The following MYCBPAP variants were observed in gnomAD, a reference collection of about 807,000 sequenced individuals.
The protein encoded by MYCBPAP is MYCBP-associated protein.
A neutral mutation model predicts 106.1 loss-of-function variants in MYCBPAP; 60 were observed. That is an observed-to-expected ratio of 0.57 (90% CI 0.46 to 0.70). The LOEUF (loss-of-function observed/expected upper bound fraction) is 0.70, where lower values mean the gene tolerates loss of function less well. MYCBPAP is among the 30% of genes least tolerant of loss of function. The pLI is 0.00. For missense variants in MYCBPAP, 1,064 were observed against 1,169.3 expected, an observed-to-expected ratio of 0.91 and a Z score of 1.31; for synonymous variants, 407 against 440.6, an observed-to-expected ratio of 0.92 and a Z score of 0.95.
rs1367705337 is a variant in MYCBPAP at position 50,519,006 on chromosome 17, A to C, written c.685A>C (p.Met229Leu). The C allele has an allele frequency of 1.2e-6, 2 of 1,614,106 alleles. No homozygotes were observed. The highest frequency in any genetic ancestry group is 1.7e-6 in the Non-Finnish European group (2 of 1,180,024). ...HLKKPVSELLMHTGETYRRIQ... is the reference protein window; with the variant it reads ...HLKKPVSELLLHTGETYRRIQ... Reference sequence around the variant, plus strand: ...AAAGAAGCCAGTGAGTGAGCTGCTCATGCACACCGGGGAGACCTACAGACG... The same window carrying C: ...AAAGAAGCCAGTGAGTGAGCTGCTCCTGCACACCGGGGAGACCTACAGACG... Residue 229 changes from methionine to leucine, a missense_variant, in exon 6 of 19, where the codon ATG becomes CTG. Transcript: ENST00000323776.
chr17:50,515,101 G>A (rs1367152693), intron 1 of MYCBPAP, among the ~76,000 whole-genome samples: 2 of 152,112 alleles, frequency 1.3e-5, no homozygotes, highest in South Asian at 4.1e-4. Flanking sequence ...TTGCCACTAT[G>A]CCTCTTTATG....
intron 1 of MYCBPAP, among the ~76,000 whole-genome samples, chr17:50,511,892 T>A (rs897562133): frequency 6.6e-6 from 1 of 152,116 alleles, no homozygotes; most frequent in Non-Finnish European, 1.5e-5. Context: ...CCGGTCCATC[T>A]GGCTCTCTTC....
In MYCBPAP at chr17:50,524,737, T is replaced by TGTGTGTGTGTGA. The variant is rs373928628; in HGVS notation, c.1636-139_1636-138insTGTGTGTGTGAG. The TGTGTGTGTGTGA allele has an allele frequency of 1.8e-3, 843 of 462,940 alleles. 1 individual carries two copies. The highest frequency in any genetic ancestry group is 7.3e-3 in the African/African-American group (297 of 40,466). 28.7% of individuals were successfully genotyped at this position (462,940 alleles called of 1,614,324 possible). A position where few individuals can be genotyped will look rare whatever the true frequency, so the allele number is the denominator to read the frequency against. ...GTGTGTGTGTGTGTGTGTGTGTGTG[T>TGTGTGTGTGTGA]GAGAGAGAGAGAGAGAGAGAGACAA... On this transcript the variant is annotated intron_variant, in intron 12 of 18. Coordinates refer to ENST00000323776, the MANE Select transcript of MYCBPAP (RefSeq NM_032133.6).
At chr17:50,531,222 C>T in intron 18 of MYCBPAP, 105 bp from the exon 19 acceptor site, 2 of 672,930 alleles carry the variant, frequency 3.0e-6, no homozygotes, top group Non-Finnish European at 4.7e-6. Context: ...CTTTCACAAA[C>T]AACTGGTTTC....
chr17:50,521,173 A>G lies in MYCBPAP; in HGVS notation c.980A>G (p.Tyr327Cys). Residue 327 changes from tyrosine to cysteine, a missense_variant, in exon 8 of 19, where the codon TAC (tyrosine) becomes TGC (cysteine). Tyr to Cys is a radical substitution (Grantham distance 194, BLOSUM62 -2). Coordinates refer to ENST00000323776, the MANE Select transcript of MYCBPAP (RefSeq NM_032133.6). ...TGGGATCGGAGTCTGTTTCTGATCT[A>G]CCGACGCAAGGAGCTGCAGAGAATC... ...YTWDRSLFLI[Y>C]RRKELQRIME... is the part of the protein sequence containing the mutation. 2 of 1,613,860 alleles carry G rather than the reference A, an allele frequency of 1.2e-6. No individual in the cohort carries two copies. Among genetic ancestry groups the G allele is most frequent in the Non-Finnish European group, 1.7e-6 (2 of 1,179,962 alleles).
intron 18 of MYCBPAP, 138 bp from the exon 19 acceptor site, chr17:50,531,189 A>G (rs1360278114): frequency 1.7e-6 from 1 of 593,032 alleles, no homozygotes; most frequent in Non-Finnish European, 2.8e-6. Flanking sequence ...ATTATTTCAC[A>G]AGAACTTTGA....
Position 50,529,044 on chromosome 17 carries a change from G to C in MYCBPAP, c.2580G>C (p.Lys860Asn). 1 of 1,614,148 alleles carries C rather than the reference G, an allele frequency of 6.2e-7. No individual in the cohort carries two copies. The highest frequency in any genetic ancestry group is 8.5e-7 in the Non-Finnish European group (1 of 1,180,016). Reference protein sequence around the residue: ...KEDRPNSKKHKAKDDKKVIKS... With the variant: ...KEDRPNSKKHNAKDDKKVIKS... ...ACCGTCCCAACAGCAAGAAGCACAA[G>C]GCAAAGGATGACAAGAAAGTCATAA... Residue 860 changes from lysine to asparagine, a missense_variant, in exon 18 of 19, where the codon AAG becomes AAC. Transcript: ENST00000323776.
chr17:50,521,338 TG>T lies in MYCBPAP; in HGVS notation c.1058del (p.Gly353AlafsTer31), dbSNP rs1181575491. 1.2e-6 allele frequency: 2 copies of T among 1,604,744 alleles called. No homozygotes were observed. Among genetic ancestry groups the T allele is most frequent in the Admixed American group, 1.7e-5 (1 of 58,906 alleles). On this transcript the variant is annotated frameshift_variant, in exon 9 of 19. Transcript: ENST00000323776. LOFTEE classifies it high-confidence loss of function. ...SQQDIDGLEVVGKGWPFSAVT... is the reference protein window; with the variant it reads ...SQQDIDGLEVXGKGWPFSAVT... ...GAGGATATTGATGGCCTGGAGGTGG[TG>T]GGCAAAGGGTGGCCCTTCTCGGCTG...
intron 7 of MYCBPAP, 30 bp downstream of exon 7, chr17:50,519,817 A>T (rs773252205): frequency 1.2e-6 from 2 of 1,605,920 alleles, no homozygotes; most frequent in Non-Finnish European, 1.7e-6. Flanking sequence ...GCCAGCTAGC[A>T]TCTTGTGCCT....
intron 4 of MYCBPAP, among the ~76,000 whole-genome samples, 168 bp from the exon 5 acceptor site, chr17:50,518,373 C>A (rs116125485): frequency 6.6e-6 from 1 of 152,146 alleles, no homozygotes; most frequent in Non-Finnish European, 1.5e-5. Flanking sequence ...TTTCAGGGCC[C>A]CCTGGTTCTG....
intron 7 of MYCBPAP, among the ~76,000 whole-genome samples, chr17:50,520,420 G>T (rs1430491834): frequency 2.6e-5 from 4 of 152,160 alleles, no homozygotes; most frequent in Admixed American, 2.6e-4. Context: ...CAGGAGAATT[G>T]CTTGAATCTG....
chr17:50,509,310 C>T (rs1043622464), intron 1 of MYCBPAP: 5 of 611,986 alleles, frequency 8.2e-6, no homozygotes, highest in African/African-American at 7.3e-5. Context: ...GTGCACTTTC[C>T]AGCTGGATGA....
chr17:50,522,830 C>CACGAGACTTGCAGTGCTAAAGCCAG (rs2034324191), intron 10 of MYCBPAP, 109 bp from the exon 11 acceptor site: 1 of 1,079,724 alleles, frequency 9.3e-7, no homozygotes, highest in East Asian at 2.5e-5. Flanking sequence ...AGGCCTGGGA[C>CACGAGACTTGCAGTGCTAAAGCCAG]ACGAGACTTG....
intron 7 of MYCBPAP, 118 bp downstream of exon 7, chr17:50,519,905 T>A: frequency 1.1e-5 from 13 of 1,163,832 alleles, no homozygotes; most frequent in South Asian, 3.2e-5. Flanking sequence ...TTCTCTGTGG[T>A]TCTCTGGGGT....
rs763466358 is a variant in MYCBPAP, at chr17:50,518,642, G to A, written c.570G>A (p.Trp190Ter). 2.5e-6 allele frequency: 4 copies of A among 1,610,454 alleles called. No individual in the cohort carries two copies. The South Asian group carries it at 4.4e-5, about 18-fold the overall frequency. ...KAPKEEKRPP[W>*]APPPQHNFLK... ...CAAAAGAAGAGAAGAGACCTCCCTG[G>A]GCCCCACCTCCTCAGCACAACTTTC... Residue 190 changes from tryptophan (W) to a stop codon, truncating the protein, a stop_gained, in exon 5 of 19, where the codon TGG becomes TGA. Coordinates refer to ENST00000323776, the MANE Select transcript of MYCBPAP (RefSeq NM_032133.6). LOFTEE classifies it high-confidence loss of function.
In MYCBPAP at chr17:50,531,311, T is replaced by A; in HGVS notation, c.2725-16T>A. 1 of 1,590,084 alleles carries A rather than the reference T, an allele frequency of 6.3e-7. No individual in the cohort carries two copies. Among genetic ancestry groups the A allele is most frequent in the Non-Finnish European group, 8.6e-7 (1 of 1,162,978 alleles). ...ACAGAGTAAACTCTGCCTGTGATGT[T>A]GTCCCGTTCTTCCAGGTCCGTGGGC... On this transcript the variant is annotated splice_polypyrimidine_tract_variant and intron_variant, in intron 18 of 18. Transcript: ENST00000323776.
At chr17:50,517,548 G>T (rs372500395) in intron 3 of MYCBPAP, 47 bp from the exon 4 acceptor site, 83 of 1,613,540 alleles carry the variant, frequency 5.1e-5, no homozygotes, top group Admixed American at 6.7e-5. Context: ...CCTCTTGAAA[G>T]TTGTCCACCC....
At position 50,521,359 on chromosome 17, in the gene MYCBPAP, C is replaced by T. The variant is rs762195247; in HGVS notation, c.1076C>T (p.Ser359Leu). Residue 359 changes from serine to leucine, a missense_variant, in exon 9 of 19, where the codon TCG (serine) becomes TTG (leucine). Coordinates refer to ENST00000323776, the MANE Select transcript of MYCBPAP (RefSeq NM_032133.6). ...LEVVGKGWPF[S>L]AVTVEDYTVF... is the part of the protein sequence containing the mutation. The stretch of plus-strand genomic sequence containing the variant: ...GTGGTGGGCAAAGGGTGGCCCTTCT[C>T]GGCTGTTACTGTGGAAGACTACACA... 1.4e-5 allele frequency: 23 copies of T among 1,605,970 alleles called. No homozygotes were observed. The highest frequency in any genetic ancestry group is 8.5e-5 in the Admixed American group (5 of 59,084).
At chr17:50,527,122 T>C in intron 14 of MYCBPAP, 165 bp from the exon 15 acceptor site, 1 of 903,774 alleles carries the variant, frequency 1.1e-6, no homozygotes, top group Non-Finnish European at 1.7e-6. Flanking sequence ...TACAGATTTC[T>C]GAGGGGGGTC....
Sources: gnomAD v4.1 joint callset for allele counts (sites outside exome capture counted in the v4.1 genomes callset) on GRCh38, gnomAD v4.1.1 for gene constraint, MANE v1.5 for transcripts, NCBI Gene and HGNC (gene_info 2026-07-23, HGNC 2026-07-21) for gene names.